The following ASIC2 variants were observed in gnomAD, a reference collection of about 807,000 sequenced individuals.
ASIC2 encodes acid sensing ion channel subunit 2, also known as acid-sensing ion channel 2.
In ASIC2, 25 loss-of-function variants were observed where a neutral mutation model predicts 57.3. The ratio of observed to expected loss-of-function variants is 0.44; its 90% CI spans 0.32 to 0.61. The LOEUF (loss-of-function observed/expected upper bound fraction) is 0.61. ASIC2 is among the 20% of genes least tolerant of loss of function. The pLI is 0.06. For synonymous variants in ASIC2, 319 were observed against 307.5 expected (o/e 1.04, Z -0.39); for missense variants, 641 against 738.1 (o/e 0.87, Z 1.52).
chr17:33,286,722 G>A (rs550728585), intron 1 of ASIC2, among the ~76,000 whole-genome samples: 25 of 152,028 alleles, frequency 1.6e-4, no homozygotes, highest in Admixed American at 4.6e-4. Flanking sequence ...ATAAACCATC[G>A]AAGATCCCCA....
chr17:33,597,478 C>T (rs1236936433), intron 1 of ASIC2, among the ~76,000 whole-genome samples: 7 of 152,098 alleles, frequency 4.6e-5, no homozygotes, highest in Admixed American at 3.3e-4. Context: ...TGACATGTCC[C>T]TGCTCTGCAA....
chr17:33,583,151 A>C (rs1220735385), intron 1 of ASIC2, among the ~76,000 whole-genome samples: 1 of 152,178 alleles, frequency 6.6e-6, no homozygotes, highest in Admixed American at 6.5e-5. Flanking sequence ...GGGGGAGAGG[A>C]AGCTATTAGT....
chr17:33,953,309 C>A (rs931554760), intron 1 of ASIC2, among the ~76,000 whole-genome samples: 15 of 152,150 alleles, frequency 9.9e-5, no homozygotes, highest in African/African-American at 3.6e-4. Flanking sequence ...CAATTTATAA[C>A]TTTTACATCC....
At chr17:33,472,042 G>A (rs1597740932) in intron 1 of ASIC2, among the ~76,000 whole-genome samples, 1 of 144,954 alleles carries the variant, frequency 6.9e-6, no homozygotes, top group Non-Finnish European at 1.5e-5. Context: ...TTTTTGATAC[G>A]GAGTTTTGCT....
intron 1 of ASIC2, among the ~76,000 whole-genome samples, chr17:33,758,136 T>C (rs552883944): frequency 4.7e-4 from 71 of 152,308 alleles, no homozygotes; most frequent in African/African-American, 1.6e-3. Flanking sequence ...GAAGATCATG[T>C]AGCAATAATA....
intron 1 of ASIC2, among the ~76,000 whole-genome samples, chr17:33,419,436 G>T (rs17185036): frequency 6.6e-6 from 1 of 152,358 alleles, no homozygotes; most frequent in Non-Finnish European, 1.5e-5. Context: ...ATTTCTGGGA[G>T]TTTCTGGAAC....
chr17:33,823,431 C>A (rs1027661505), intron 1 of ASIC2, among the ~76,000 whole-genome samples: 1 of 152,088 alleles, frequency 6.6e-6, no homozygotes, highest in Admixed American at 6.5e-5. Flanking sequence ...AGTCAGAAAA[C>A]TGCCTCAGAA....
At chr17:33,670,254 T>C (rs1907602294) in intron 1 of ASIC2, among the ~76,000 whole-genome samples, 1 of 152,098 alleles carries the variant, frequency 6.6e-6, no homozygotes, top group South Asian at 2.1e-4. Context: ...TGACTGCACC[T>C]CCTCCACTGC....
chr17:33,190,870 T>G (rs1906388343), intron 1 of ASIC2, among the ~76,000 whole-genome samples: 1 of 152,230 alleles, frequency 6.6e-6, no homozygotes, highest in Non-Finnish European at 1.5e-5. Flanking sequence ...TTGCACATGC[T>G]GCCAGGGATG....
intron 1 of ASIC2, among the ~76,000 whole-genome samples, chr17:33,671,300 C>T (rs1907631337): frequency 2.0e-5 from 3 of 152,080 alleles, no homozygotes; most frequent in Admixed American, 2.0e-4. Flanking sequence ...CCCAGCATAG[C>T]ATTTAAAATC....
At chr17:34,109,706 G>A (rs918912310) in intron 1 of ASIC2, among the ~76,000 whole-genome samples, 2 of 152,006 alleles carry the variant, frequency 1.3e-5, no homozygotes, top group African/African-American at 4.8e-5. Flanking sequence ...CTTTTCATGT[G>A]TATATTGGCC....
At chr17:33,029,866 C>T (rs952418874) in intron 3 of ASIC2, among the ~76,000 whole-genome samples, 1 of 152,150 alleles carries the variant, frequency 6.6e-6, no homozygotes, top group Non-Finnish European at 1.5e-5. Flanking sequence ...ATTTGTGGTT[C>T]CCTGACGGAT....
chr17:34,029,044 A>C (rs1771957192), intron 1 of ASIC2, among the ~76,000 whole-genome samples: 1 of 152,208 alleles, frequency 6.6e-6, no homozygotes, highest in East Asian at 1.9e-4. Context: ...GACTTCGTTC[A>C]AACGAAGTCT....
At chr17:33,383,142 T>C (rs1360065664) in intron 1 of ASIC2, among the ~76,000 whole-genome samples, 2 of 152,248 alleles carry the variant, frequency 1.3e-5, no homozygotes, top group Admixed American at 1.3e-4. Flanking sequence ...ATTTTTAAAG[T>C]CCTTTCAGTA....
intron 1 of ASIC2, among the ~76,000 whole-genome samples, chr17:33,659,741 A>G (rs978365599): frequency 1.3e-5 from 2 of 151,770 alleles, no homozygotes; most frequent in Non-Finnish European, 1.5e-5. Flanking sequence ...GCGAGGTGGC[A>G]GGCGCCTGTA....
At position 33,330,832 on chromosome 17, in the gene ASIC2, A is replaced by G. The variant is rs1287622401; in HGVS notation, c.556-218765T>C. Among the ~76,000 whole-genome samples the G allele has an allele frequency of 2.6e-5, 4 of 152,242 alleles. No homozygotes were observed. The East Asian group carries it at 5.8e-4, about 22-fold the overall frequency. The stretch of plus-strand genomic sequence containing the variant: ...TGGGGTCGACATCTTCATTTTGTCA[A>G]TGAGGATCCTGGGGTCTAGAGAGAA... On this transcript the variant is annotated intron_variant, in intron 1 of 9. Transcript: ENST00000359872.
chr17:33,420,967 A>ACATT (rs1339333408), intron 1 of ASIC2, among the ~76,000 whole-genome samples: 1 of 152,224 alleles, frequency 6.6e-6, no homozygotes, highest in Non-Finnish European at 1.5e-5. Flanking sequence ...TAGAGTTGGA[A>ACATT]CATTATCTTC....
rs574098029 is a variant in ASIC2, at chr17:33,342,352, G to A, written c.556-230285C>T. ...TGTGTGTGTACGTGTGTGTGTGTAC[G>A]TGTGTGTGTGTGCTGACAGACACAT... On this transcript the variant is annotated intron_variant, in intron 1 of 9. Coordinates refer to the ASIC2 transcript ENST00000359872. Among the ~76,000 whole-genome samples, 26 of 142,518 alleles carry A rather than the reference G, an allele frequency of 1.8e-4. No individual in the cohort carries two copies. In the Middle Eastern group the frequency reaches 0.01, roughly 57 times the overall value. The allele number at this position is 142,518 out of a possible 152,430, so 93.5% of individuals were successfully genotyped here. A position where few individuals can be genotyped will look rare whatever the true frequency, so the allele number is the denominator to read the frequency against.
chr17:33,822,900 C>A (rs1279730727), intron 1 of ASIC2, among the ~76,000 whole-genome samples: 2 of 152,160 alleles, frequency 1.3e-5, no homozygotes, highest in African/African-American at 4.8e-5. Context: ...AAAGCTTGAT[C>A]ATAAATTTAG....
Sources: allele counts gnomAD v4.1 joint callset (sites outside exome capture counted in the v4.1 genomes callset), GRCh38; gene constraint gnomAD v4.1.1; transcripts MANE v1.5; gene names NCBI Gene and HGNC (gene_info 2026-07-23, HGNC 2026-07-21).